Variants in LAMP5 observed in about 807,000 individuals in gnomAD.
The protein encoded by LAMP5 is lysosome-associated membrane glycoprotein 5.
Under a neutral mutation model 30.2 loss-of-function variants are expected in LAMP5, and 36 were observed. That is an observed-to-expected ratio of 1.19 (90% CI 0.91 to 1.57). LAMP5 has a LOEUF of 1.57. LAMP5 is among the 40% of genes most tolerant of loss of function. LAMP5 has a pLI of 0.00. For synonymous variants in LAMP5, 149 were observed against 134.6 expected, an observed-to-expected ratio of 1.11 and a Z score of -0.74; for missense variants, 377 against 354.9, an observed-to-expected ratio of 1.06 and a Z score of -0.50.
Position 9,514,625 on chromosome 20 carries a change from T to G in LAMP5, c.-228T>G. On this transcript the variant is annotated 5_prime_UTR_variant, in exon 1 of 6. Transcript: ENST00000246070. ...CAGCACTCGCAGCCGTGGACCGCCGTGCGGTCCTTTCCTCCGCAGTGAGCC... is the reference window on the plus strand; with the variant it reads ...CAGCACTCGCAGCCGTGGACCGCCGGGCGGTCCTTTCCTCCGCAGTGAGCC... 200 of 400,154 alleles carry G rather than the reference T, an allele frequency of 5.0e-4. No homozygotes were observed. Among genetic ancestry groups the G allele is most frequent in the East Asian group, 1.7e-3 (34 of 19,812 alleles). The allele number at this position is 400,154 out of a possible 1,614,324, so 24.8% of individuals were successfully genotyped here.
intron 5 of LAMP5, among the ~76,000 whole-genome samples, chr20:9,526,667 GA>G (rs982225978): frequency 6.6e-6 from 1 of 151,990 alleles, no homozygotes; most frequent in African/African-American, 2.4e-5. Flanking sequence ...ATAGTGGGGG[GA>G]AAAGTTTCCT....
intron 5 of LAMP5, among the ~76,000 whole-genome samples, chr20:9,521,956 A>G (rs1015977719): frequency 2.0e-5 from 3 of 152,196 alleles, no homozygotes; most frequent in African/African-American, 4.8e-5. Flanking sequence ...CAAACATAAC[A>G]AAACAAAACA....
intron 5 of LAMP5, among the ~76,000 whole-genome samples, chr20:9,525,997 G>A (rs2045109777): frequency 6.6e-6 from 1 of 152,146 alleles, no homozygotes; most frequent in Admixed American, 6.5e-5. Flanking sequence ...CTAAAACCAT[G>A]GTCTACAGTC....
At chr20:9,519,258 T>G (rs2045063934) in intron 5 of LAMP5, among the ~76,000 whole-genome samples, 1 of 152,242 alleles carries the variant, frequency 6.6e-6, no homozygotes, top group Non-Finnish European at 1.5e-5. Flanking sequence ...TTTATGCCTT[T>G]CTTTGGGTTG....
intron 5 of LAMP5, among the ~76,000 whole-genome samples, chr20:9,523,897 G>T (rs1034602923): frequency 6.6e-6 from 1 of 152,168 alleles, no homozygotes; most frequent in Non-Finnish European, 1.5e-5. Flanking sequence ...TTACCCTGGG[G>T]TATATATAGT....
rs764877550 is a variant in LAMP5, at chr20:9,515,619, C to A, written c.231C>A (p.Tyr77Ter). ...CTTATGATGTGTGGGCCAGCAACTA[C>A]GTAGATGTAAGGAATCTTTCCCCCC... ...IVPYDVWASN[Y>*]VDLITEQADI... Residue 77 changes from tyrosine (Y) to a stop codon, truncating the protein, a stop_gained, in exon 2 of 6, where the codon TAC (tyrosine) becomes TAA (stop). Transcript: ENST00000246070. LOFTEE classifies it high-confidence loss of function. The A allele has an allele frequency of 6.2e-7, 1 of 1,612,106 alleles. No homozygotes were observed. Among genetic ancestry groups the A allele is most frequent in the Non-Finnish European group, 8.5e-7 (1 of 1,179,580 alleles).
chr20:9,520,598 TG>T (rs1259951305), intron 5 of LAMP5, among the ~76,000 whole-genome samples: 205 of 152,060 alleles, frequency 1.3e-3, no homozygotes, highest in African/African-American at 3.4e-3. Flanking sequence ...TGTGTGTGTG[TG>T]TGTGTGTTTG....
chr20:9,519,577 A>G (rs138366600), intron 5 of LAMP5, among the ~76,000 whole-genome samples: 2,839 of 152,354 alleles, frequency 0.019, 34 homozygotes, highest in Non-Finnish European at 0.03. Flanking sequence ...CTTTTTGTTT[A>G]TGGAAGCATT....
At chr20:9,515,669 G>C in intron 2 of LAMP5, 44 bp downstream of exon 2, 1 of 1,595,684 alleles carries the variant, frequency 6.3e-7, no homozygotes, top group South Asian at 1.1e-5. Context: ...TAGGGCTCCA[G>C]GGCGAAGGGC....
chr20:9,515,387 C>G, intron 1 of LAMP5, 66 bp from the exon 2 acceptor site: 1 of 1,497,724 alleles, frequency 6.7e-7, no homozygotes, highest in Non-Finnish European at 9.1e-7. Context: ...ACTGTCTCCC[C>G]ACCCTAGCGC....
chr20:9,526,858 G>GTATATA (rs1378670592), intron 5 of LAMP5, among the ~76,000 whole-genome samples: 2 of 90,636 alleles, frequency 2.2e-5, no homozygotes, highest in Non-Finnish European at 4.5e-5. Flanking sequence ...ATGTGTGTGT[G>GTATATA]TGTATATATA....
At chr20:9,517,944 T>C in intron 4 of LAMP5, 96 bp from the exon 5 acceptor site, 1 of 1,027,706 alleles carries the variant, frequency 9.7e-7, no homozygotes, top group Non-Finnish European at 1.5e-6. Context: ...ACAGGAGGGG[T>C]GTGGTGTCTG....
chr20:9,525,957 G>A (rs1321684213), intron 5 of LAMP5, among the ~76,000 whole-genome samples: 1 of 152,166 alleles, frequency 6.6e-6, no homozygotes, highest in African/African-American at 2.4e-5. Context: ...GTTTGCCTGG[G>A]TAACTAGAGT....
intron 2 of LAMP5, among the ~76,000 whole-genome samples, 163 bp from the exon 3 acceptor site, chr20:9,515,837 G>C (rs939327781): frequency 1.3e-5 from 2 of 152,210 alleles, no homozygotes; most frequent in Non-Finnish European, 2.9e-5. Flanking sequence ...CTTCCCTATC[G>C]GGGCTGCACG....
At chr20:9,522,279 G>A (rs2045084188) in intron 5 of LAMP5, among the ~76,000 whole-genome samples, 1 of 152,132 alleles carries the variant, frequency 6.6e-6, no homozygotes, top group African/African-American at 2.4e-5. Flanking sequence ...AGATCTGCGG[G>A]AACTTTAGTG....
At chr20:9,521,531 A>G (rs1383162896) in intron 5 of LAMP5, among the ~76,000 whole-genome samples, 1 of 152,232 alleles carries the variant, frequency 6.6e-6, no homozygotes, top group Non-Finnish European at 1.5e-5. Flanking sequence ...GCCAATACAC[A>G]GAGGCCATCT....
At chr20:9,521,949 A>T (rs1240918987) in intron 5 of LAMP5, among the ~76,000 whole-genome samples, 2 of 152,208 alleles carry the variant, frequency 1.3e-5, no homozygotes, top group Non-Finnish European at 2.9e-5. Context: ...CAAGGGGCAA[A>T]CATAACAAAA....
At chr20:9,515,735 C>A in intron 2 of LAMP5, 110 bp downstream of exon 2, 1 of 1,219,958 alleles carries the variant, frequency 8.2e-7, no homozygotes, top group Non-Finnish European at 1.2e-6. Context: ...TCCCACACCC[C>A]GGCAGGCTGC....
chr20:9,523,841 G>A (rs1038250079), intron 5 of LAMP5, among the ~76,000 whole-genome samples: 1 of 152,318 alleles, frequency 6.6e-6, no homozygotes, highest in Non-Finnish European at 1.5e-5. Flanking sequence ...GGCCTTCCTT[G>A]TTTTGTAATC....
Sources: allele counts gnomAD v4.1 joint callset (sites outside exome capture counted in the v4.1 genomes callset), GRCh38; gene constraint gnomAD v4.1.1; transcripts MANE v1.5; gene names NCBI Gene and HGNC (gene_info 2026-07-23, HGNC 2026-07-21).